Variants in ROBO1 observed in about 807,000 individuals in gnomAD.
ROBO1 encodes roundabout guidance receptor 1, also known as roundabout homolog 1.
In ROBO1, 149 loss-of-function variants were observed where a neutral mutation model predicts 195.9. The ratio of observed to expected loss-of-function variants is 0.76; its 90% CI spans 0.67 to 0.87. The LOEUF is 0.87. Ranked by LOEUF, ROBO1 falls within the 40% of genes least tolerant of loss-of-function variation. The pLI, the probability that ROBO1 is intolerant of heterozygous loss-of-function variation, is 0.00. For missense variants in ROBO1, 1,933 were observed against 2,068.3 expected (o/e 0.93, Z 1.27); for synonymous variants, 816 against 733.2 (o/e 1.11, Z -1.82).
chr3:78,672,222 A>G (rs555411131), intron 10 of ROBO1, among the ~76,000 whole-genome samples: 26 of 150,906 alleles, frequency 1.7e-4, no homozygotes, highest in African/African-American at 6.3e-4. Context: ...GTACTGTAGT[A>G]TCACTAGTGT....
chr3:78,671,252 A>C (rs1708049968), intron 10 of ROBO1, among the ~76,000 whole-genome samples: 2 of 152,100 alleles, frequency 1.3e-5, no homozygotes, highest in South Asian at 4.1e-4. Context: ...TACATTGAAG[A>C]GGTGTTCCCA....
At chr3:78,677,820 G>C (rs1432846302) in intron 10 of ROBO1, among the ~76,000 whole-genome samples, 1 of 151,962 alleles carries the variant, frequency 6.6e-6, no homozygotes, top group African/African-American at 2.4e-5. Flanking sequence ...TGCACCAAGC[G>C]GACCTAATAG....
intron 2 of ROBO1, among the ~76,000 whole-genome samples, chr3:79,488,882 T>G (rs1939298895): frequency 6.6e-6 from 1 of 152,186 alleles, no homozygotes; most frequent in Non-Finnish European, 1.5e-5. Context: ...GTGGGTCAAC[T>G]TCTGCCCTTG....
intron 2 of ROBO1, among the ~76,000 whole-genome samples, chr3:79,196,674 T>C (rs760475752): frequency 4.6e-5 from 7 of 151,798 alleles, no homozygotes; most frequent in Non-Finnish European, 8.8e-5. Flanking sequence ...GAGTTTGGAA[T>C]GTGTAACTGC....
intron 2 of ROBO1, among the ~76,000 whole-genome samples, chr3:79,193,248 G>T (rs2108759889): frequency 6.6e-6 from 1 of 151,768 alleles, no homozygotes; most frequent in South Asian, 2.1e-4. Context: ...TGAGAGTCTT[G>T]GTTGGATACA....
intron 1 of ROBO1, among the ~76,000 whole-genome samples, chr3:79,676,437 T>C (rs1308552561): frequency 6.6e-6 from 1 of 152,066 alleles, no homozygotes; most frequent in Non-Finnish European, 1.5e-5. Context: ...ATCATGGAGT[T>C]TGCAGGCTGC....
rs184540334 is a variant in ROBO1, at chr3:79,368,027, C to T, written c.88+221797G>A. ...TATGATCTCCGCTCACTGCAACCTC[C>T]GCCTCCTGGGTTCAAGCCAGTCTGG... On this transcript the variant is annotated intron_variant, in intron 2 of 30. Coordinates refer to ENST00000464233, the MANE Select transcript of ROBO1 (RefSeq NM_002941.4). 2.6e-3 allele frequency among the ~76,000 whole-genome samples: 399 copies of T among 152,204 alleles called. 1 individual carries two copies. The highest frequency in any genetic ancestry group is 8.4e-3 in the African/African-American group (351 of 41,544).
intron 4 of ROBO1, among the ~76,000 whole-genome samples, chr3:78,882,038 C>T (rs927878522): frequency 1.3e-5 from 2 of 151,922 alleles, no homozygotes; most frequent in Non-Finnish European, 2.9e-5. Flanking sequence ...CTTGTTTCTC[C>T]ATTTTTTTAA....
chr3:79,678,780 GTT>G (rs1946858593), intron 1 of ROBO1, among the ~76,000 whole-genome samples: 1 of 152,016 alleles, frequency 6.6e-6, no homozygotes, highest in South Asian at 2.1e-4. Flanking sequence ...AGCAATTATA[GTT>G]TTTTGAGAGG....
chr3:79,601,192 G>A (rs1352293111), intron 1 of ROBO1, among the ~76,000 whole-genome samples: 1 of 151,922 alleles, frequency 6.6e-6, no homozygotes, highest in Non-Finnish European at 1.5e-5. Flanking sequence ...ACTGGAGAAG[G>A]AAATTCTAAA....
intron 1 of ROBO1, among the ~76,000 whole-genome samples, chr3:79,612,502 G>T (rs1172779480): frequency 6.6e-6 from 1 of 151,934 alleles, no homozygotes; most frequent in African/African-American, 2.4e-5. Flanking sequence ...GGGTGCATGT[G>T]TCTTTATAGC....
Position 79,534,148 on chromosome 3 carries a change from C to CAAAAAAAAAA in ROBO1, c.88+55666_88+55675dup, listed in dbSNP as rs5850434. 8.3e-4 allele frequency among the ~76,000 whole-genome samples: 50 copies of CAAAAAAAAAA among 59,966 alleles called. 1 individual carries two copies. The highest frequency in any genetic ancestry group is 3.0e-3 in the African/African-American group (48 of 16,004). The allele number at this position is 59,966 out of a possible 152,430, so 39.3% of individuals were successfully genotyped here. ...GGAAGACTCTAGATGCTGGGGAAGGCAAAAAAAAAAAAAAAAAAAAAAAAA... is the reference window on the plus strand; with the variant it reads ...GGAAGACTCTAGATGCTGGGGAAGGCAAAAAAAAAAAAAAAAAAAAAAAAAAAAAAAAAAA... On this transcript the variant is annotated intron_variant, in intron 2 of 30. Coordinates refer to ENST00000464233, the MANE Select transcript of ROBO1 (RefSeq NM_002941.4).
At chr3:79,007,936 T>A (rs1352556055) in intron 3 of ROBO1, among the ~76,000 whole-genome samples, 1 of 152,206 alleles carries the variant, frequency 6.6e-6, no homozygotes, top group Non-Finnish European at 1.5e-5. Flanking sequence ...CTCTTTACAA[T>A]ACAACGTCAT....
intron 3 of ROBO1, among the ~76,000 whole-genome samples, chr3:79,071,137 C>T (rs1221375514): frequency 6.6e-6 from 1 of 151,848 alleles, no homozygotes; most frequent in African/African-American, 2.4e-5. Context: ...CTATAGTCAT[C>T]ATGCTGTATA....
chr3:79,033,912 T>C (rs924713826), intron 3 of ROBO1, among the ~76,000 whole-genome samples: 1 of 152,160 alleles, frequency 6.6e-6, no homozygotes, highest in Non-Finnish European at 1.5e-5. Context: ...GACCTTCTTA[T>C]TCTACCCTCA....
In ROBO1 at chr3:78,670,079, G is replaced by A. The variant is rs1334291840; in HGVS notation, c.1548+17C>T. 1.1e-5 allele frequency: 18 copies of A among 1,570,920 alleles called. No individual in the cohort carries two copies. Among genetic ancestry groups the A allele is most frequent in the African/African-American group, 4.1e-5 (3 of 73,974 alleles). On this transcript the variant is annotated intron_variant, in intron 11 of 30. Coordinates refer to ENST00000464233, the MANE Select transcript of ROBO1 (RefSeq NM_002941.4). ...AGTGAAACAAAACAAGAAACGCAAG[G>A]TGCCATTCCAAGTTACCTTAGCATA...
At chr3:79,315,945 T>C (rs1179066428) in intron 2 of ROBO1, among the ~76,000 whole-genome samples, 2 of 152,130 alleles carry the variant, frequency 1.3e-5, no homozygotes, top group South Asian at 2.1e-4. Context: ...GATAGAGTTG[T>C]GAAAGAGTTG....
intron 2 of ROBO1, among the ~76,000 whole-genome samples, chr3:79,460,231 C>T (rs1006656646): frequency 3.3e-5 from 5 of 152,094 alleles, no homozygotes; most frequent in African/African-American, 1.2e-4. Flanking sequence ...ATATATACTT[C>T]CCATTTACTG....
chr3:78,660,724 G>A (rs532703266), intron 16 of ROBO1: 1 of 210,590 alleles, frequency 4.7e-6, no homozygotes, highest in South Asian at 1.4e-4. Context: ...TAAACCAAAC[G>A]GAAAACAATT....
Sources: allele counts gnomAD v4.1 joint callset (sites outside exome capture counted in the v4.1 genomes callset), GRCh38; gene constraint gnomAD v4.1.1; transcripts MANE v1.5; gene names NCBI Gene and HGNC (gene_info 2026-07-23, HGNC 2026-07-21).